ABCB1: variants seen among roughly 807,000 people sequenced by gnomAD.
ABCB1 encodes ATP binding cassette subfamily B member 1, also known as ATP-dependent translocase ABCB1.
In ABCB1, 69 loss-of-function variants were observed where a neutral mutation model predicts 142.0. That is an observed-to-expected ratio of 0.49 (90% confidence interval 0.40 to 0.59). The LOEUF is 0.59. Ranked by LOEUF, ABCB1 falls within the 20% of genes least tolerant of loss-of-function variation. The pLI is 0.00. For synonymous variants in ABCB1, 532 were observed against 539.2 expected, an observed-to-expected ratio of 0.99 and a Z score of 0.18; for missense variants, 1,326 against 1,554.7, an observed-to-expected ratio of 0.85 and a Z score of 2.47.
At chr7:87,515,509 G>A in intron 24 of ABCB1, 81 bp from the exon 25 acceptor site, 4 of 1,256,692 alleles carry the variant, frequency 3.2e-6, no homozygotes, top group Non-Finnish European at 4.6e-6. Context: ...CGATTACCAG[G>A]TGTCAGAAGA....
chr7:87,558,232 C>T (rs1433998201), intron 8 of ABCB1, among the ~76,000 whole-genome samples: 1 of 152,194 alleles, frequency 6.6e-6, no homozygotes, highest in African/African-American at 2.4e-5. Flanking sequence ...AATTGGACTT[C>T]AATCCAGATC....
intron 1 of ABCB1, among the ~76,000 whole-genome samples, chr7:87,621,568 A>G (rs1820223774): frequency 6.6e-6 from 1 of 152,272 alleles, no homozygotes; most frequent in South Asian, 2.1e-4. Flanking sequence ...CTTACCATAC[A>G]GAAGCTTTTC....
chr7:87,584,533 A>G (rs771605987), intron 4 of ABCB1, among the ~76,000 whole-genome samples: 1 of 152,098 alleles, frequency 6.6e-6, no homozygotes, highest in African/African-American at 2.4e-5. Context: ...TTCCTCCCCA[A>G]TCGAGAAAGA....
intron 1 of ABCB1, among the ~76,000 whole-genome samples, chr7:87,681,998 T>G (rs532507007): frequency 6.6e-6 from 1 of 152,360 alleles, no homozygotes; most frequent in Non-Finnish European, 1.5e-5. Flanking sequence ...TGCCACTGCT[T>G]TATCAACTAA....
chr7:87,517,735 T>C (rs1380825438), intron 23 of ABCB1, among the ~76,000 whole-genome samples: 1 of 152,242 alleles, frequency 6.6e-6, no homozygotes, highest in Non-Finnish European at 1.5e-5. Context: ...GATATCATGT[T>C]GCTCTTAAGA....
upstream of ABCB1, among the ~76,000 whole-genome samples, chr7:87,605,804 T>C (rs1819630828): frequency 6.6e-6 from 1 of 152,112 alleles, no homozygotes; most frequent in African/African-American, 2.4e-5. Flanking sequence ...GAAAATAAGG[T>C]AAGATTTGAT....
In ABCB1 at chr7:87,646,404, T is replaced by G. The variant is rs372866082; in HGVS notation, c.-330-45326A>C. ...TAAAGGTGGAAATTGAGTTCTAACC[T>G]AGATTTTTATTTTTGATGAATTAAG... is the stretch of plus-strand genomic sequence containing the variant. On this transcript the variant is annotated intron_variant, in intron 1 of 28. Transcript: ENST00000265724. Among the ~76,000 whole-genome samples, 3 of 152,180 alleles carry G rather than the reference T, an allele frequency of 2.0e-5. No individual in the cohort carries two copies. In the South Asian group the frequency reaches 6.2e-4, roughly 31 times the overall value.
Position 87,530,818 on chromosome 7 carries a change from AAAGCAAGAAAGC to A in ABCB1, c.2685+464_2685+475del, listed in dbSNP as rs1465394434. On this transcript the variant is annotated intron_variant, in intron 21 of 27. Transcript: ENST00000622132. ...GAAAGCAAGAAAGCAAGAAAGCAAG[AAAGCAAGAAAGC>A]AAGAAAGCAAGAAAGAAAGAAAGAA... 5.8e-5 allele frequency among the ~76,000 whole-genome samples: 6 copies of A among 102,802 alleles called. No homozygotes were observed. The South Asian group carries it at 1.1e-3, about 18-fold the overall frequency. 67.4% of individuals were successfully genotyped at this position (102,802 alleles called of 152,430 possible).
intron 6 of ABCB1, 128 bp downstream of exon 6, chr7:87,566,657 G>T: frequency 1.0e-6 from 1 of 956,690 alleles, no homozygotes; most frequent in Non-Finnish European, 1.6e-6. Context: ...TTGCTGCTTA[G>T]AAGGAATTTT....
rs113848986 is a variant in ABCB1 at position 87,518,164 on chromosome 7, T to G, written c.2927+1162A>C. Among the ~76,000 whole-genome samples the G allele has an allele frequency of 4.5e-3, 685 of 152,336 alleles. 4 individuals are homozygous for G. The highest frequency in any genetic ancestry group is 6.1e-3 in the Non-Finnish European group (413 of 68,040). On this transcript the variant is annotated intron_variant, in intron 23 of 27. Transcript: ENST00000622132. The stretch of plus-strand genomic sequence containing the variant: ...TCTATGCCTATGTTTGTGTAGCATA[T>G]TGTGTCATTAGTTTTTGTTTGTTTG...
chr7:87,589,815 AG>A lies in ABCB1; in HGVS notation c.118-4136del. On this transcript the variant is annotated intron_variant, in intron 3 of 27. Transcript: ENST00000622132. Reference sequence around the variant, plus strand: ...AGAGAGAGAGAGAGAGGAGAGAGAGAGAGAGAGAGAGAGAGAGAGAGGGAGA... The same window carrying A: ...AGAGAGAGAGAGAGAGGAGAGAGAGAAGAGAGAGAGAGAGAGAGAGGGAGA... Among the ~76,000 whole-genome samples the A allele has an allele frequency of 2.0e-5, 3 of 146,498 alleles. No individual in the cohort carries two copies. The East Asian group carries it at 6.0e-4, about 29-fold the overall frequency.
At chr7:87,534,948 T>A (rs1472955189) in intron 20 of ABCB1, among the ~76,000 whole-genome samples, 1 of 147,964 alleles carries the variant, frequency 6.8e-6, no homozygotes, top group Non-Finnish European at 1.5e-5. Context: ...AAACTCCATT[T>A]TTTTTTCCAC....
At chr7:87,624,071 G>T (rs1490107347) in intron 1 of ABCB1, among the ~76,000 whole-genome samples, 1 of 152,230 alleles carries the variant, frequency 6.6e-6, no homozygotes, top group Admixed American at 6.5e-5. Flanking sequence ...TATGATTTGA[G>T]TTTTAAAAAT....
At chr7:87,545,404 A>G (rs1048222333) in intron 15 of ABCB1, among the ~76,000 whole-genome samples, 1 of 152,258 alleles carries the variant, frequency 6.6e-6, no homozygotes, top group Non-Finnish European at 1.5e-5. Flanking sequence ...AAAAAGAAAG[A>G]AGTGAAATTA....
At chr7:87,593,865 C>T (rs1358908292) in intron 3 of ABCB1, among the ~76,000 whole-genome samples, 1 of 152,198 alleles carries the variant, frequency 6.6e-6, no homozygotes, top group East Asian at 1.9e-4. Context: ...CTTCTCCCCA[C>T]TCGCCTTTTG....
intron 9 of ABCB1, among the ~76,000 whole-genome samples, chr7:87,551,572 A>ACTT (rs1395985713): frequency 6.6e-6 from 1 of 152,166 alleles, no homozygotes; most frequent in Non-Finnish European, 1.5e-5. Context: ...GCTCACTGCA[A>ACTT]CTTCAACCTC....
rs202111093 is a variant in ABCB1 at position 87,549,443 on chromosome 7, C to T, written c.1630G>A (p.Ala544Thr). The T allele has an allele frequency of 1.2e-6, 2 of 1,614,200 alleles. No homozygotes were observed. Among genetic ancestry groups the T allele is most frequent in the Admixed American group, 1.7e-5 (1 of 60,022 alleles). ...AGGATCTTGGGGTTGCGAACCAGGG[C>T]ACGTGCAATGGCGATCCTCTGCTTC... ...GQKQRIAIAR[A>T]LVRNPKILLL... Residue 544 changes from alanine to threonine, a missense_variant, in exon 14 of 28, where the codon GCC (alanine) becomes ACC (threonine). Physicochemically the swap from Ala to Thr is moderately conservative, Grantham distance 58. Coordinates refer to ENST00000622132, the MANE Select transcript of ABCB1 (RefSeq NM_001348946.2).
At chr7:87,525,535 T>C (rs897108497) in intron 21 of ABCB1, among the ~76,000 whole-genome samples, 2 of 152,192 alleles carry the variant, frequency 1.3e-5, no homozygotes, top group East Asian at 1.9e-4. Context: ...ATGTATTTTG[T>C]ATGTTATATG....
At chr7:87,607,448 G>A (rs1819695546) in intron 1 of ABCB1, among the ~76,000 whole-genome samples, 1 of 152,092 alleles carries the variant, frequency 6.6e-6, no homozygotes, top group African/African-American at 2.4e-5. Flanking sequence ...CTAGAGAAAT[G>A]TCCATTAACA....
Sources: gnomAD v4.1 joint callset for allele counts (sites outside exome capture counted in the v4.1 genomes callset) on GRCh38, gnomAD v4.1.1 for gene constraint, MANE v1.5 for transcripts, NCBI Gene and HGNC (gene_info 2026-07-23, HGNC 2026-07-21) for gene names.